ARHGEF7: variants seen among roughly 807,000 people sequenced by gnomAD.
ARHGEF7 encodes Rho guanine nucleotide exchange factor 7.
ARHGEF7 carries 33 observed loss-of-function variants against 109.8 expected under a neutral mutation model. The observed-to-expected ratio is 0.30, with a 90% CI of 0.23 to 0.40. ARHGEF7 has a LOEUF of 0.40. ARHGEF7 is among the 10% of genes least tolerant of loss of function. ARHGEF7 has a pLI of 1.00. For synonymous variants in ARHGEF7, 458 were observed against 424.6 expected, an observed-to-expected ratio of 1.08 and a Z score of -0.97; for missense variants, 938 against 1,098.5, an observed-to-expected ratio of 0.85 and a Z score of 2.07.
chr13:111,211,198 A>G, intron 4 of ARHGEF7, among the ~76,000 whole-genome samples: 1 of 152,130 alleles, frequency 6.6e-6, no homozygotes, highest in East Asian at 1.9e-4. Context: ...CCTGCTTTGC[A>G]GGAGCCTGTT....
chr13:111,211,714 C>T (rs1411680036), intron 4 of ARHGEF7, among the ~76,000 whole-genome samples: 5 of 152,092 alleles, frequency 3.3e-5, no homozygotes, highest in South Asian at 4.1e-4. Context: ...TGTAGTTTAT[C>T]GATAGCACTT....
At chr13:111,223,697 A>C (rs2084785225) in intron 5 of ARHGEF7, among the ~76,000 whole-genome samples, 3 of 152,236 alleles carry the variant, frequency 2.0e-5, no homozygotes, top group Admixed American at 2.0e-4. Flanking sequence ...AAAATGTTCT[A>C]GGATTCTGTA....
Position 111,185,394 on chromosome 13 carries a change from C to T in ARHGEF7, c.253-19895C>T, listed in dbSNP as rs150627123. Reference sequence around the variant, plus strand: ...GCTCATAGCCTTTCCCTTTTTAGCACTACAGCGGGTTCTTTCTCTGTTAAT... The same window carrying T: ...GCTCATAGCCTTTCCCTTTTTAGCATTACAGCGGGTTCTTTCTCTGTTAAT... On this transcript the variant is annotated intron_variant, in intron 2 of 21. Transcript: ENST00000646102. Among the ~76,000 whole-genome samples the T allele has an allele frequency of 4.7e-4, 72 of 152,352 alleles. No individual in the cohort carries two copies. The East Asian group carries it at 0.012, about 24-fold the overall frequency.
intron 3 of ARHGEF7, among the ~76,000 whole-genome samples, chr13:111,206,094 A>G (rs2081801635): frequency 6.6e-6 from 1 of 151,984 alleles, no homozygotes; most frequent in African/African-American, 2.4e-5. Flanking sequence ...TGGTCTTATT[A>G]GAGTAATTTT....
In ARHGEF7 at chr13:111,297,111, C is replaced by T. The variant is rs2093444279; in HGVS notation, c.2312-3637C>T. On this transcript the variant is annotated intron_variant, in intron 19 of 21. Coordinates refer to ENST00000646102, the MANE Select transcript of ARHGEF7 (RefSeq NM_001354046.2). ...TAAATCTGCTTTCTAAAACATCGTT[C>T]TTTAAAGAAGTAGTCAACTTACGTA... Among the ~76,000 whole-genome samples the T allele has an allele frequency of 2.6e-5, 4 of 152,282 alleles. No individual in the cohort carries two copies. In the South Asian group the frequency reaches 8.3e-4, roughly 32 times the overall value.
intron 6 of ARHGEF7, among the ~76,000 whole-genome samples, chr13:111,242,758 T>C (rs1390441142): frequency 6.6e-6 from 1 of 152,200 alleles, no homozygotes; most frequent in East Asian, 1.9e-4. Flanking sequence ...TGGCTCTGCT[T>C]TTCTCAGCTG....
At chr13:111,300,527 C>G (rs889295539) in intron 19 of ARHGEF7, among the ~76,000 whole-genome samples, 1 of 152,212 alleles carries the variant, frequency 6.6e-6, no homozygotes, top group Non-Finnish European at 1.5e-5. Context: ...GCTACAGTTT[C>G]CTTCCCTCTC....
chr13:111,182,676 C>CT (rs1566736408), intron 2 of ARHGEF7: 1 of 152,236 alleles, frequency 6.6e-6, no homozygotes, highest in African/African-American at 2.4e-5. Flanking sequence ...GCTCTGCCCC[C>CT]GCCATCGGGA....
At chr13:111,218,544 A>G (rs2083418566) in intron 5 of ARHGEF7, among the ~76,000 whole-genome samples, 1 of 152,196 alleles carries the variant, frequency 6.6e-6, no homozygotes, top group African/African-American at 2.4e-5. Context: ...CCTGCCCTGT[A>G]GTTGAAAAAC....
chr13:111,193,373 GT>G (rs778865957), intron 2 of ARHGEF7, among the ~76,000 whole-genome samples: 2 of 152,172 alleles, frequency 1.3e-5, no homozygotes, highest in Non-Finnish European at 2.9e-5. Flanking sequence ...CTGCCCTGCG[GT>G]TTCCTTCTGC....
At chr13:111,264,501 G>A (rs2091418029) in intron 8 of ARHGEF7, among the ~76,000 whole-genome samples, 4 of 152,114 alleles carry the variant, frequency 2.6e-5, no homozygotes, top group Admixed American at 2.0e-4. Flanking sequence ...GAAGACTTGT[G>A]CATCCTAACC....
intron 4 of ARHGEF7, among the ~76,000 whole-genome samples, chr13:111,216,222 C>T (rs2083118376): frequency 6.6e-6 from 1 of 152,082 alleles, no homozygotes; most frequent in Non-Finnish European, 1.5e-5. Flanking sequence ...AGACTGATAC[C>T]AGTGTTTGAA....
intron 2 of ARHGEF7, among the ~76,000 whole-genome samples, chr13:111,158,081 G>T (rs1276951732): frequency 6.6e-6 from 1 of 152,124 alleles, no homozygotes; most frequent in Admixed American, 6.6e-5. Flanking sequence ...GTGGTTTCAG[G>T]AATATTAGCA....
At chr13:111,292,766 T>A in intron 19 of ARHGEF7, 2 of 1,005,124 alleles carry the variant, frequency 2.0e-6, no homozygotes, top group Non-Finnish European at 2.4e-6. Context: ...TTTTAAGTGC[T>A]ATGAACACTG....
rs1019961914 is a variant in ARHGEF7, at chr13:111,273,779, A to G, written c.1074-35A>G. The G allele has an allele frequency of 6.2e-7, 1 of 1,611,724 alleles. No individual in the cohort carries two copies. The highest frequency in any genetic ancestry group is 8.5e-7 in the Non-Finnish European group (1 of 1,177,976). On this transcript the variant is annotated intron_variant, in intron 9 of 21. Coordinates refer to ENST00000646102, the MANE Select transcript of ARHGEF7 (RefSeq NM_001354046.2). The surrounding 1 kb of genome is among the most constrained non-coding windows in gnomAD (Gnocchi z 4.5). ...AGAGCCACCATTGTCTCTCATTGCT[A>G]ACCACGAGTGTCTCTCTTGCCACTT...
intron 1 of ARHGEF7, among the ~76,000 whole-genome samples, chr13:111,133,991 C>T (rs2074958853): frequency 7.0e-6 from 1 of 143,318 alleles, no homozygotes; most frequent in Non-Finnish European, 1.5e-5. Flanking sequence ...TGTGATATTA[C>T]CCTTCCTGTG....
intron 8 of ARHGEF7, among the ~76,000 whole-genome samples, chr13:111,262,002 A>G (rs72653547): frequency 0.012 from 1,761 of 152,314 alleles, 20 homozygotes; most frequent in Middle Eastern, 0.034. Context: ...AAGCAACTAC[A>G]TCAAAAAGTA....
At chr13:111,244,009 A>G in intron 7 of ARHGEF7, 43 bp downstream of exon 7, 1 of 1,472,210 alleles carries the variant, frequency 6.8e-7, no homozygotes, top group Non-Finnish European at 9.4e-7. Flanking sequence ...AATAGTCTAA[A>G]CCTTAGGCTG....
chr13:111,172,638 C>T (rs2077712165), intron 2 of ARHGEF7, among the ~76,000 whole-genome samples: 1 of 152,216 alleles, frequency 6.6e-6, no homozygotes, highest in African/African-American at 2.4e-5. Context: ...TTTGAACTGT[C>T]ATTTGCACAC....
Sources: allele counts gnomAD v4.1 joint callset (sites outside exome capture counted in the v4.1 genomes callset), GRCh38; gene constraint gnomAD v4.1.1; non-coding constraint Gnocchi (gnomAD v3.1); transcripts MANE v1.5; gene names NCBI Gene and HGNC (gene_info 2026-07-23, HGNC 2026-07-21).